The following GRM8 variants were observed in gnomAD, a reference collection of about 807,000 sequenced individuals.
The protein encoded by GRM8 is metabotropic glutamate receptor 8.
In GRM8, 47 loss-of-function variants were observed where a neutral mutation model predicts 87.2. The ratio of observed to expected loss-of-function variants is 0.54; its 90% CI spans 0.43 to 0.69. The LOEUF is 0.69. Ranked by LOEUF, GRM8 falls within the 30% of genes least tolerant of loss-of-function variation. The pLI is 0.00. For synonymous variants in GRM8, 396 were observed against 404.5 expected, an observed-to-expected ratio of 0.98 and a Z score of 0.25; for missense variants, 1,019 against 1,139.2, an observed-to-expected ratio of 0.89 and a Z score of 1.52.
chr7:126,771,350 C>T (rs1321204661), intron 6 of GRM8, among the ~76,000 whole-genome samples: 1 of 151,424 alleles, frequency 6.6e-6, no homozygotes, highest in Non-Finnish European at 1.5e-5. Context: ...TTGTGACACT[C>T]TGTGCTTTTA....
intron 7 of GRM8, among the ~76,000 whole-genome samples, chr7:126,737,387 C>T (rs988168231): frequency 6.6e-6 from 1 of 151,952 alleles, no homozygotes; most frequent in East Asian, 1.9e-4. Context: ...CTTACTGGCA[C>T]CCCCACCCAC....
At chr7:127,221,883 C>G (rs1796955858) in intron 2 of GRM8, among the ~76,000 whole-genome samples, 1 of 152,112 alleles carries the variant, frequency 6.6e-6, no homozygotes, top group Non-Finnish European at 1.5e-5. Context: ...AGAGAAGCAC[C>G]AAGTCCCTCC....
intron 1 of GRM8, among the ~76,000 whole-genome samples, chr7:127,249,710 C>T (rs993427002): frequency 7.9e-5 from 12 of 152,202 alleles, no homozygotes; most frequent in Non-Finnish European, 1.8e-4. Flanking sequence ...AAAGAAAACC[C>T]TCTCTTGAAA....
At chr7:126,875,039 T>C (rs1168384945) in intron 6 of GRM8, among the ~76,000 whole-genome samples, 6 of 152,116 alleles carry the variant, frequency 3.9e-5, no homozygotes, top group African/African-American at 1.4e-4. Context: ...CCAGTGCCTC[T>C]TTTCTTGCAT....
chr7:126,789,302 AT>A (rs111259044), intron 6 of GRM8, among the ~76,000 whole-genome samples: 11,879 of 151,220 alleles, frequency 0.079, 1,477 homozygotes, highest in African/African-American at 0.27. Context: ...CAACAAAGGC[AT>A]TTTTTTTTCC....
At chr7:127,217,206 G>T (rs545556772) in intron 2 of GRM8, among the ~76,000 whole-genome samples, 18 of 152,132 alleles carry the variant, frequency 1.2e-4, no homozygotes, top group Admixed American at 2.6e-4. Context: ...TCAGAGGAAA[G>T]GTGACAGTAA....
intron 9 of GRM8, among the ~76,000 whole-genome samples, chr7:126,493,808 A>G (rs1808344276): frequency 2.6e-5 from 4 of 152,016 alleles, no homozygotes; most frequent in Admixed American, 1.3e-4. Context: ...TTTTACCCAG[A>G]CATCTATATG....
At chr7:127,151,524 A>T (rs1421549139) in intron 2 of GRM8, among the ~76,000 whole-genome samples, 1 of 152,146 alleles carries the variant, frequency 6.6e-6, no homozygotes, top group Non-Finnish European at 1.5e-5. Context: ...TAAGGGGATC[A>T]TCAACAACGT....
At chr7:127,170,646 A>G (rs1302467464) in intron 2 of GRM8, among the ~76,000 whole-genome samples, 2 of 152,252 alleles carry the variant, frequency 1.3e-5, no homozygotes, top group Non-Finnish European at 2.9e-5. Context: ...CATACCATGG[A>G]ATACCACTCA....
At chr7:127,121,632 C>T (rs1827094339) in intron 2 of GRM8, among the ~76,000 whole-genome samples, 1 of 152,082 alleles carries the variant, frequency 6.6e-6, no homozygotes, top group Admixed American at 6.6e-5. Flanking sequence ...GGAAGGATGG[C>T]TGGGAGGCCT....
chr7:127,205,748 GT>G (rs1795874482), intron 2 of GRM8, among the ~76,000 whole-genome samples: 1 of 152,152 alleles, frequency 6.6e-6, no homozygotes, highest in Non-Finnish European at 1.5e-5. Context: ...GGTTCTGTTT[GT>G]GCCCAAACTT....
At chr7:126,928,671 C>CAAA (rs57576564) in intron 3 of GRM8, among the ~76,000 whole-genome samples, 94 of 98,562 alleles carry the variant, frequency 9.5e-4, no homozygotes, top group Non-Finnish European at 1.3e-3. Context: ...GACCCTGCCT[C>CAAA]AAAAAAAAAA....
intron 6 of GRM8, among the ~76,000 whole-genome samples, chr7:126,834,608 G>A (rs1239173769): frequency 6.6e-6 from 1 of 152,114 alleles, no homozygotes; most frequent in East Asian, 1.9e-4. Context: ...TGATTTTTCA[G>A]TTGTCCTAAA....
intron 2 of GRM8, among the ~76,000 whole-genome samples, chr7:127,119,669 G>T (rs146225020): frequency 7.9e-5 from 12 of 152,296 alleles, no homozygotes; most frequent in African/African-American, 2.6e-4. Flanking sequence ...CAATTCAGTA[G>T]TCTTGGTGAA....
chr7:126,739,406 GCACACACACA>G (rs3222171), intron 7 of GRM8, among the ~76,000 whole-genome samples: 1 of 148,796 alleles, frequency 6.7e-6, no homozygotes, highest in South Asian at 2.1e-4. Context: ...AATTGTGTTT[GCACACACACA>G]CACACACACA....
chr7:127,150,955 G>A (rs1828827508), intron 2 of GRM8, among the ~76,000 whole-genome samples: 1 of 152,088 alleles, frequency 6.6e-6, no homozygotes, highest in Non-Finnish European at 1.5e-5. Flanking sequence ...TAAGAAGGTT[G>A]TTGTTTTTTT....
At chr7:126,873,028 T>C (rs1799232451) in intron 6 of GRM8, among the ~76,000 whole-genome samples, 1 of 152,152 alleles carries the variant, frequency 6.6e-6, no homozygotes, top group African/African-American at 2.4e-5. Flanking sequence ...TTATGCTAGG[T>C]GTTCATACTC....
At chr7:126,746,416 A>T (rs1474926609) in intron 7 of GRM8, among the ~76,000 whole-genome samples, 1 of 151,798 alleles carries the variant, frequency 6.6e-6, no homozygotes, top group African/African-American at 2.4e-5. Context: ...AAATTTTCTG[A>T]TTCAGATATT....
rs1393226969 is a variant in GRM8 at position 126,494,430 on chromosome 7, T to G, written c.2430+38522A>C. Among the ~76,000 whole-genome samples, 5 of 152,082 alleles carry G rather than the reference T, an allele frequency of 3.3e-5. No individual in the cohort carries two copies. In the South Asian group the frequency reaches 1.0e-3, roughly 31 times the overall value. On this transcript the variant is annotated intron_variant, in intron 9 of 10. Transcript: ENST00000339582. Reference sequence around the variant, plus strand: ...GATTTTCAGGTAGCTTTAGGAGCCCTATCATCTATGACATGATAAAGACAT... The same window carrying G: ...GATTTTCAGGTAGCTTTAGGAGCCCGATCATCTATGACATGATAAAGACAT...
Sources: gnomAD v4.1 joint callset for allele counts (sites outside exome capture counted in the v4.1 genomes callset) on GRCh38, gnomAD v4.1.1 for gene constraint, MANE v1.5 for transcripts, NCBI Gene and HGNC (gene_info 2026-07-23, HGNC 2026-07-21) for gene names.